Variants in MYO5B observed in about 807,000 individuals in gnomAD.
MYO5B encodes the protein unconventional myosin-Vb.
A neutral mutation model predicts 229.3 loss-of-function variants in MYO5B; 143 were observed. That is an observed-to-expected ratio of 0.62 (90% CI 0.54 to 0.72). The LOEUF (loss-of-function observed/expected upper bound fraction) is 0.72, where lower values mean the gene tolerates loss of function less well. MYO5B is among the 30% of genes least tolerant of loss of function. The pLI is 0.00. For missense variants in MYO5B, 2,321 were observed against 2,331.0 expected (o/e 1.00, Z 0.09); for synonymous variants, 918 against 885.2 (o/e 1.04, Z -0.66).
chr18:49,854,171 T>C (rs769430106), intron 30 of MYO5B, among the ~76,000 whole-genome samples: 4 of 152,246 alleles, frequency 2.6e-5, no homozygotes, highest in Non-Finnish European at 5.9e-5. Context: ...CCATTATTAC[T>C]AGCCCCATTT....
intron 10 of MYO5B, among the ~76,000 whole-genome samples, chr18:49,968,818 CT>C (rs1428162983): frequency 2.0e-5 from 3 of 152,190 alleles, no homozygotes; most frequent in African/African-American, 4.8e-5. Flanking sequence ...TCACTCAGTA[CT>C]GAAACAGTTG....
rs187006221 is a variant in MYO5B at position 50,037,715 on chromosome 18, C to T, written c.311-721G>A. Among the ~76,000 whole-genome samples the T allele has an allele frequency of 1.5e-3, 226 of 152,260 alleles. 4 individuals carry two copies. The South Asian group carries it at 0.024, about 16-fold the overall frequency. ...AGGAGTTTGAGACCAGCCTGGTTAA[C>T]ACAGTGAGACCTCTTCTCTACAAAA... On this transcript the variant is annotated intron_variant, in intron 3 of 39. Transcript: ENST00000285039.
intron 1 of MYO5B, among the ~76,000 whole-genome samples, chr18:50,120,856 G>A (rs1790428): frequency 0.46 from 70,304 of 152,004 alleles, 16,470 homozygotes; most frequent in Admixed American, 0.59. Context: ...TGGTCAGCTG[G>A]TAGATGGTGA....
intron 1 of MYO5B, among the ~76,000 whole-genome samples, chr18:50,194,204 G>T (rs912035066): frequency 6.6e-6 from 1 of 152,170 alleles, no homozygotes; most frequent in Non-Finnish European, 1.5e-5. Flanking sequence ...GCGCCCTCAC[G>T]CCAGGTTGTC....
chr18:49,842,658 C>G (rs2024073156), intron 34 of MYO5B, among the ~76,000 whole-genome samples: 1 of 152,224 alleles, frequency 6.6e-6, no homozygotes, highest in Non-Finnish European at 1.5e-5. Flanking sequence ...GCAGGCCAGC[C>G]TGTTTCTGCA....
At chr18:49,959,343 T>C (rs1481581645) in intron 12 of MYO5B, among the ~76,000 whole-genome samples, 2 of 152,180 alleles carry the variant, frequency 1.3e-5, no homozygotes, top group African/African-American at 2.4e-5. Context: ...AATACATAAA[T>C]GTGGCAAGGG....
intron 17 of MYO5B, among the ~76,000 whole-genome samples, chr18:49,915,057 G>C (rs563774715): frequency 2.6e-3 from 390 of 152,236 alleles, no homozygotes; most frequent in African/African-American, 8.7e-3. Flanking sequence ...CTGGTCTGGT[G>C]GAAGATGTCT....
chr18:49,931,061 A>G (rs1598890756), intron 16 of MYO5B, among the ~76,000 whole-genome samples: 1 of 152,186 alleles, frequency 6.6e-6, no homozygotes, highest in Non-Finnish European at 1.5e-5. Context: ...GACGAGGAAC[A>G]AATGCTCCCT....
intron 13 of MYO5B, among the ~76,000 whole-genome samples, chr18:49,953,563 C>G (rs896632663): frequency 4.6e-5 from 7 of 152,144 alleles, no homozygotes; most frequent in East Asian, 1.9e-4. Flanking sequence ...AAGGGAGTTC[C>G]CATAATAAAA....
chr18:50,172,961 G>C (rs1285855680), intron 1 of MYO5B, among the ~76,000 whole-genome samples: 1 of 152,204 alleles, frequency 6.6e-6, no homozygotes, highest in East Asian at 1.9e-4. Flanking sequence ...GCACTGTTCA[G>C]TGAACAAAGA....
chr18:49,871,134 G>A (rs1252728107), intron 27 of MYO5B, among the ~76,000 whole-genome samples: 2 of 152,186 alleles, frequency 1.3e-5, no homozygotes, highest in African/African-American at 4.8e-5. Context: ...CTACAATAGA[G>A]ATCAACCATC....
intron 1 of MYO5B, among the ~76,000 whole-genome samples, chr18:50,131,709 A>C (rs2032257046): frequency 6.6e-6 from 1 of 152,236 alleles, no homozygotes; most frequent in Non-Finnish European, 1.5e-5. Context: ...ATTTAGCTGG[A>C]TACAGTACTG....
intron 1 of MYO5B, among the ~76,000 whole-genome samples, chr18:50,193,447 G>A (rs531811164): frequency 4.1e-4 from 63 of 152,386 alleles, no homozygotes; most frequent in Middle Eastern, 3.4e-3. Context: ...CCCTCCAGGA[G>A]GAATGGGAGA....
intron 1 of MYO5B, among the ~76,000 whole-genome samples, chr18:50,088,597 C>G (rs1010173929): frequency 6.6e-6 from 1 of 152,164 alleles, no homozygotes. Flanking sequence ...CAACCCATAG[C>G]CTCACCCTCT....
chr18:49,977,117 C>G (rs908930508), intron 9 of MYO5B, among the ~76,000 whole-genome samples: 1 of 152,144 alleles, frequency 6.6e-6, no homozygotes, highest in Non-Finnish European at 1.5e-5. Context: ...ACCCTGGGGA[C>G]CGGCTTTTAA....
At chr18:49,969,774 A>G (rs2025670431) in intron 10 of MYO5B, 1 of 152,224 alleles carries the variant, frequency 6.6e-6, no homozygotes, top group Admixed American at 6.5e-5. Flanking sequence ...GTAACAGAGG[A>G]CTGATGAGGA....
chr18:49,958,970 T>C (rs1239981456), intron 12 of MYO5B, among the ~76,000 whole-genome samples: 1 of 152,218 alleles, frequency 6.6e-6, no homozygotes, highest in Non-Finnish European at 1.5e-5. Context: ...TGTGGGCTGA[T>C]ACCTTGAGCT....
At chr18:50,173,414 A>C (rs1394751742) in intron 1 of MYO5B, among the ~76,000 whole-genome samples, 2 of 152,218 alleles carry the variant, frequency 1.3e-5, no homozygotes, top group Non-Finnish European at 2.9e-5. Flanking sequence ...TTTTATTCCA[A>C]AAGCCAAGGG....
At position 50,094,838 on chromosome 18, in the gene MYO5B, A is replaced by ATT. The variant is rs570843373; in HGVS notation, c.28-39462_28-39461dup. On this transcript the variant is annotated intron_variant, in intron 1 of 39. Transcript: ENST00000285039. ...CTTGCTCAGTAATATAAACCTGTAC[A>ATT]TTTTTTTTTAAAACAGTCTCGCTCT... is the stretch of plus-strand genomic sequence containing the variant. 4.3e-4 allele frequency among the ~76,000 whole-genome samples: 65 copies of ATT among 151,384 alleles called. 2 individuals are homozygous for ATT. The East Asian group carries it at 0.011, about 24-fold the overall frequency.
Sources: gnomAD v4.1 joint callset for allele counts (sites outside exome capture counted in the v4.1 genomes callset) on GRCh38, gnomAD v4.1.1 for gene constraint, MANE v1.5 for transcripts, NCBI Gene and HGNC (gene_info 2026-07-23, HGNC 2026-07-21) for gene names.